CNIH3: variants seen among roughly 807,000 people sequenced by gnomAD.
The protein encoded by CNIH3 is cornichon family AMPA receptor auxiliary protein 3, also known as protein cornichon homolog 3.
In CNIH3, 14 loss-of-function variants were observed where a neutral mutation model predicts 24.1. The ratio of observed to expected loss-of-function variants is 0.58; its 90% confidence interval spans 0.38 to 0.91. The LOEUF (loss-of-function observed/expected upper bound fraction) is 0.91. Among genes scored for constraint, CNIH3 ranks in the 40% least tolerant of loss-of-function variants. The pLI, the probability that CNIH3 is intolerant of heterozygous loss-of-function variation, is 0.00. For missense variants in CNIH3, 178 were observed against 196.8 expected, an observed-to-expected ratio of 0.90 and a Z score of 0.57; for synonymous variants, 68 against 73.8, an observed-to-expected ratio of 0.92 and a Z score of 0.40.
chr1:224,450,212 A>C (rs1675334945), intron 1 of CNIH3, among the ~76,000 whole-genome samples: 1 of 152,190 alleles, frequency 6.6e-6, no homozygotes, highest in South Asian at 2.1e-4. Flanking sequence ...AGCTTACACA[A>C]ACTTATATTC....
chr1:224,547,128 A>T (rs1279631670), intron 3 of CNIH3, among the ~76,000 whole-genome samples: 1 of 152,220 alleles, frequency 6.6e-6, no homozygotes, highest in Non-Finnish European at 1.5e-5. Flanking sequence ...TAACAACTGG[A>T]GATGTTCCAG....
At chr1:224,672,543 C>T (rs907370984) in intron 1 of CNIH3, among the ~76,000 whole-genome samples, 52 of 152,202 alleles carry the variant, frequency 3.4e-4, no homozygotes, top group Non-Finnish European at 7.1e-4. Flanking sequence ...CTCACCTCTT[C>T]CCAGCTAATG....
chr1:224,442,618 T>C (rs964028465), intron 1 of CNIH3, among the ~76,000 whole-genome samples: 1 of 152,186 alleles, frequency 6.6e-6, no homozygotes, highest in African/African-American at 2.4e-5. Context: ...GAGCTAACAC[T>C]AGGAAGACAA....
chr1:224,626,312 A>G (rs1411301797), intron 1 of CNIH3, among the ~76,000 whole-genome samples: 1 of 152,172 alleles, frequency 6.6e-6, no homozygotes, highest in Non-Finnish European at 1.5e-5. Context: ...TGACACTTGG[A>G]ATCTGCTTAA....
intron 1 of CNIH3, among the ~76,000 whole-genome samples, chr1:224,503,101 A>G (rs554658736): frequency 6.6e-6 from 1 of 152,174 alleles, no homozygotes; most frequent in Admixed American, 6.5e-5. Context: ...TTCTGCACGG[A>G]TGAAGTCACC....
intron 1 of CNIH3, among the ~76,000 whole-genome samples, chr1:224,504,201 T>C (rs560132223): frequency 2.0e-5 from 3 of 152,292 alleles, no homozygotes; most frequent in East Asian, 1.9e-4. Flanking sequence ...GTCTCTGTTT[T>C]CTCACCTGGG....
In CNIH3 at chr1:224,562,966, A is replaced by G. The variant is rs1680434964; in HGVS notation, n.451-3233A>G. Reference sequence around the variant, plus strand: ...TATGTGCTACTGAAGAGTGTGTAAAATGATTCCAGCACTTTGGGAAACTGT... The same window carrying G: ...TATGTGCTACTGAAGAGTGTGTAAAGTGATTCCAGCACTTTGGGAAACTGT... On this transcript the variant is annotated intron_variant and non_coding_transcript_variant, in intron 3 of 5. Coordinates refer to the CNIH3 transcript ENST00000471578. Among the ~76,000 whole-genome samples, 4 of 152,230 alleles carry G rather than the reference A, an allele frequency of 2.6e-5. No homozygotes were observed. In the South Asian group the frequency reaches 8.3e-4, roughly 32 times the overall value.
At chr1:224,552,984 A>T (rs1679986502) in intron 3 of CNIH3, among the ~76,000 whole-genome samples, 1 of 150,208 alleles carries the variant, frequency 6.7e-6, no homozygotes, top group South Asian at 2.1e-4. Context: ...GTGTACACAC[A>T]AGGTGTACAC....
chr1:224,480,472 C>T (rs1287683033), intron 1 of CNIH3, among the ~76,000 whole-genome samples: 1 of 152,186 alleles, frequency 6.6e-6, no homozygotes, highest in African/African-American at 2.4e-5. Flanking sequence ...ATGGGTTTTT[C>T]TTTTCTATCA....
At chr1:224,530,969 C>A (rs1277831517) in intron 2 of CNIH3, among the ~76,000 whole-genome samples, 1 of 152,042 alleles carries the variant, frequency 6.6e-6, no homozygotes, top group African/African-American at 2.4e-5. Flanking sequence ...TTTTTTCCCC[C>A]CTAGGATAAA....
At chr1:224,694,335 T>C (rs1687065451) in intron 3 of CNIH3, among the ~76,000 whole-genome samples, 1 of 152,198 alleles carries the variant, frequency 6.6e-6, no homozygotes, top group African/African-American at 2.4e-5. Context: ...CCAGCAGCCC[T>C]CATGGCAGCA....
intron 2 of CNIH3, among the ~76,000 whole-genome samples, chr1:224,535,962 G>A (rs1260425466): frequency 1.3e-5 from 2 of 152,194 alleles, no homozygotes; most frequent in African/African-American, 4.8e-5. Flanking sequence ...TCTTTCTCTC[G>A]CCCTCTGGCT....
At chr1:224,462,941 AC>A in intron 1 of CNIH3, among the ~76,000 whole-genome samples, 1 of 116,472 alleles carries the variant, frequency 8.6e-6, no homozygotes, top group Admixed American at 1.3e-4. Flanking sequence ...TTGCTCTGTC[AC>A]CAGGCTGGAG....
chr1:224,701,158 T>C (rs2125173591), intron 3 of CNIH3, among the ~76,000 whole-genome samples: 1 of 150,376 alleles, frequency 6.6e-6, no homozygotes, highest in Admixed American at 6.6e-5. Flanking sequence ...CTAGGGGGTG[T>C]CACACTGCTA....
At chr1:224,650,495 C>G (rs570737143) in intron 1 of CNIH3, among the ~76,000 whole-genome samples, 13 of 151,970 alleles carry the variant, frequency 8.6e-5, no homozygotes, top group African/African-American at 2.2e-4. Context: ...GTGCCTGGCT[C>G]TGTTCCCTCA....
chr1:224,603,853 G>A (rs1180514773), intron 3 of CNIH3, among the ~76,000 whole-genome samples: 2 of 152,148 alleles, frequency 1.3e-5, no homozygotes. Context: ...AGATTGAGGT[G>A]TATGATCTTT....
In CNIH3 at chr1:224,703,940, A is replaced by G. The variant is rs770194198; in HGVS notation, c.198+19097A>G. ...GGCCTCCCACCTCAGCCTACGACGT[A>G]TTCCAACTCAAAGGGAGCAACGGTG... On this transcript the variant is annotated intron_variant, in intron 3 of 5. Transcript: ENST00000272133. The surrounding 1 kb of genome is among the most constrained non-coding windows in gnomAD (Gnocchi z 4.2). 7.9e-5 allele frequency among the ~76,000 whole-genome samples: 12 copies of G among 152,230 alleles called. No individual in the cohort carries two copies. The highest frequency in any genetic ancestry group is 1.5e-4 in the Non-Finnish European group (10 of 68,038).
chr1:224,455,129 A>T (rs1675592529), intron 1 of CNIH3, among the ~76,000 whole-genome samples: 1 of 152,246 alleles, frequency 6.6e-6, no homozygotes, highest in African/African-American at 2.4e-5. Flanking sequence ...ATCATCTAAC[A>T]CAAAGCCTAT....
chr1:224,727,236 G>A (rs1689079805), intron 3 of CNIH3, among the ~76,000 whole-genome samples: 1 of 152,188 alleles, frequency 6.6e-6, no homozygotes, highest in African/African-American at 2.4e-5. Flanking sequence ...TCTGGGGCTT[G>A]CTGATGGTAT....
Sources: gnomAD v4.1 joint callset for allele counts (sites outside exome capture counted in the v4.1 genomes callset) on GRCh38, gnomAD v4.1.1 for gene constraint, Gnocchi (gnomAD v3.1) non-coding constraint, MANE v1.5 for transcripts, NCBI Gene and HGNC (gene_info 2026-07-23, HGNC 2026-07-21) for gene names.